The following TBC1D9 variants were observed in gnomAD, a reference collection of about 807,000 sequenced individuals.
TBC1D9 encodes the protein TBC1 domain family member 9, also known as TBC1 domain family member 9A.
A neutral mutation model predicts 132.0 loss-of-function variants in TBC1D9; 63 were observed. The observed-to-expected ratio is 0.48, with a 90% CI of 0.39 to 0.59. TBC1D9 has a LOEUF of 0.59. TBC1D9 is among the 20% of genes least tolerant of loss of function. The pLI is 0.00. For missense variants in TBC1D9, 1,261 were observed against 1,592.7 expected (o/e 0.79, Z 3.54); for synonymous variants, 610 against 609.9 (o/e 1.00, Z 0.00).
chr4:140,704,704 A>AC (rs1738124644), intron 1 of TBC1D9, among the ~76,000 whole-genome samples: 1 of 152,192 alleles, frequency 6.6e-6, no homozygotes, highest in Non-Finnish European at 1.5e-5. Flanking sequence ...AAAAGGTCTA[A>AC]CCCAATCCAC....
chr4:140,721,233 C>T (rs369005259), intron 1 of TBC1D9, among the ~76,000 whole-genome samples: 3 of 152,152 alleles, frequency 2.0e-5, no homozygotes, highest in Non-Finnish European at 2.9e-5. Context: ...GTACTAGATA[C>T]GCCACACATA....
rs559968690 is a variant in TBC1D9, at chr4:140,623,738, G to GC, written c.3078+377_3078+378insG. Among the ~76,000 whole-genome samples the GC allele has an allele frequency of 6.6e-5, 10 of 152,102 alleles. No homozygotes were observed. The South Asian group carries it at 1.9e-3, about 28-fold the overall frequency. On this transcript the variant is annotated intron_variant, in intron 20 of 20. Transcript: ENST00000442267. ...TTTTCAGCCTATAATTATTTATATT[G>GC]TTTTTTTCTTCCTCATTTCACCAGG... is the stretch of plus-strand genomic sequence containing the variant.
intron 2 of TBC1D9, among the ~76,000 whole-genome samples, chr4:140,694,475 G>A (rs1737921041): frequency 6.6e-6 from 1 of 151,616 alleles, no homozygotes. Context: ...GGAGGGTGAG[G>A]CAGGAGAATC....
intron 1 of TBC1D9, among the ~76,000 whole-genome samples, chr4:140,722,682 C>A (rs745801596): frequency 6.6e-6 from 1 of 152,156 alleles, no homozygotes; most frequent in Non-Finnish European, 1.5e-5. Flanking sequence ...TATCTTTTTA[C>A]TCTTCAATTA....
intron 1 of TBC1D9, among the ~76,000 whole-genome samples, chr4:140,746,799 G>A (rs560203449): frequency 3.2e-4 from 48 of 152,236 alleles, no homozygotes; most frequent in African/African-American, 1.1e-3. Context: ...TCCCACTCAA[G>A]TGAAAATCAT....
At chr4:140,721,877 T>C (rs1738428725) in intron 1 of TBC1D9, among the ~76,000 whole-genome samples, 1 of 152,160 alleles carries the variant, frequency 6.6e-6, no homozygotes, top group Admixed American at 6.5e-5. Context: ...CCTGAGCATG[T>C]AGTCCTTCTA....
intron 1 of TBC1D9, among the ~76,000 whole-genome samples, chr4:140,715,232 A>T (rs1348310467): frequency 6.6e-6 from 1 of 152,176 alleles, no homozygotes; most frequent in Non-Finnish European, 1.5e-5. Context: ...AAGGAAGGAG[A>T]GTATAATGAG....
chr4:140,656,978 G>T (rs1263693215), intron 13 of TBC1D9, 119 bp downstream of exon 13: 4 of 1,294,464 alleles, frequency 3.1e-6, no homozygotes, highest in Non-Finnish European at 4.2e-6. Context: ...CTAGAACTGA[G>T]AAATAAATAT....
chr4:140,698,095 T>C (rs1221803519), intron 2 of TBC1D9, among the ~76,000 whole-genome samples: 1 of 152,206 alleles, frequency 6.6e-6, no homozygotes, highest in Non-Finnish European at 1.5e-5. Flanking sequence ...CTGCTGACTA[T>C]GAAACGATTC....
chr4:140,642,628 C>T (rs1578820239), intron 13 of TBC1D9: 1 of 774,802 alleles, frequency 1.3e-6, no homozygotes, highest in Non-Finnish European at 2.2e-6. Flanking sequence ...GACTTATGAA[C>T]TTAGACGAAG....
intron 2 of TBC1D9, among the ~76,000 whole-genome samples, chr4:140,695,418 T>C (rs1003738944): frequency 2.0e-4 from 30 of 152,142 alleles, no homozygotes. Context: ...CACAGCCAAA[T>C]CAAGGCACCG....
chr4:140,633,498 C>T (rs1163754865), intron 16 of TBC1D9, among the ~76,000 whole-genome samples: 2 of 152,012 alleles, frequency 1.3e-5, no homozygotes, highest in African/African-American at 2.4e-5. Flanking sequence ...CCATTTAGGC[C>T]GCAGGGCTGC....
rs62346885 is a variant in TBC1D9, at chr4:140,625,589, G to T, written c.2900-1201C>A. Among the ~76,000 whole-genome samples the T allele has an allele frequency of 5.4e-3, 817 of 152,310 alleles. 9 individuals are homozygous for T. The highest frequency in any genetic ancestry group is 8.4e-3 in the Non-Finnish European group (570 of 68,026). ...AGACACAGTGAGGAAAGTGTACTAT[G>T]TGTTGTTGGGAAATTCCTCCCCTCT... On this transcript the variant is annotated intron_variant, in intron 18 of 20. Transcript: ENST00000442267.
Position 140,669,042 on chromosome 4 carries a change from G to T in TBC1D9, c.1463C>A (p.Ala488Asp). Residue 488 changes from alanine (A) to aspartate (D), a missense_variant, in exon 9 of 21, where the codon GCC (alanine) becomes GAC (aspartate). Coordinates refer to ENST00000442267, the MANE Select transcript of TBC1D9 (RefSeq NM_015130.3). ...ATACTCAGCAAAGTGAATCTTCCAG[G>T]CTTGCTCTTTCAGAAACTCTTTGGC... ...KLAKEFLKEQAWKIHFAEYGQ... is the reference protein window; with the variant it reads ...KLAKEFLKEQDWKIHFAEYGQ... The T allele has an allele frequency of 6.2e-7, 1 of 1,613,992 alleles. No homozygotes were observed. Among genetic ancestry groups the T allele is most frequent in the South Asian group, 1.1e-5 (1 of 91,076 alleles).
intron 18 of TBC1D9, among the ~76,000 whole-genome samples, 198 bp from the exon 19 acceptor site, chr4:140,624,586 G>C (rs1193688803): frequency 6.6e-6 from 1 of 152,008 alleles, no homozygotes; most frequent in African/African-American, 2.4e-5. Flanking sequence ...ATTTTTGGGG[G>C]GGATAAGTAT....
intron 2 of TBC1D9, among the ~76,000 whole-genome samples, chr4:140,692,960 C>T (rs1737899718): frequency 6.6e-6 from 1 of 151,918 alleles, no homozygotes; most frequent in Non-Finnish European, 1.5e-5. Context: ...ATCAAGGCTG[C>T]AGTGAGCTGT....
chr4:140,725,785 A>G (rs1738493240), intron 1 of TBC1D9, among the ~76,000 whole-genome samples: 1 of 152,116 alleles, frequency 6.6e-6, no homozygotes. Context: ...TGTACAAAGG[A>G]TTCAGGGAAG....
chr4:140,741,452 C>T (rs1738756717), intron 1 of TBC1D9, among the ~76,000 whole-genome samples: 1 of 152,136 alleles, frequency 6.6e-6, no homozygotes, highest in Non-Finnish European at 1.5e-5. Context: ...TGTGGTGCCT[C>T]ACGCCTGTAA....
At chr4:140,747,250 G>A (rs550633776) in intron 1 of TBC1D9, among the ~76,000 whole-genome samples, 3 of 151,998 alleles carry the variant, frequency 2.0e-5, no homozygotes, top group Non-Finnish European at 4.4e-5. Context: ...TACTTGGGAG[G>A]CTGAGGTAGG....
Sources: gnomAD v4.1 joint callset for allele counts (sites outside exome capture counted in the v4.1 genomes callset) on GRCh38, gnomAD v4.1.1 for gene constraint, MANE v1.5 for transcripts, NCBI Gene and HGNC (gene_info 2026-07-23, HGNC 2026-07-21) for gene names.